Variants in STK31 observed in about 807,000 individuals in gnomAD.
STK31 encodes the protein serine/threonine kinase 31, also known as serine/threonine-protein kinase 31.
STK31 carries 89 observed loss-of-function variants against 129.7 expected under a neutral mutation model. That is an observed-to-expected ratio of 0.69 (90% confidence interval 0.58 to 0.82). The LOEUF (loss-of-function observed/expected upper bound fraction) is 0.82, where lower values mean the gene tolerates loss of function less well. Among genes scored for constraint, STK31 ranks in the 40% least tolerant of loss-of-function variants. The probability of loss-of-function intolerance (pLI) is 0.00; values close to 1 mark genes in which losing one functional copy is unlikely to be tolerated. For missense variants in STK31, 1,187 were observed against 1,176.4 expected (o/e 1.01, Z -0.13); for synonymous variants, 448 against 395.3 (o/e 1.13, Z -1.58).
At chr7:23,730,878 A>ATATATATATATATATATATATTT in intron 6 of STK31, among the ~76,000 whole-genome samples, 46 of 59,526 alleles carry the variant, frequency 7.7e-4, no homozygotes, top group Non-Finnish European at 1.1e-3. Context: ...ATATATATAT[A>ATATATATATATATATATATATTT]TTTTTTTTTT....
chr7:23,772,150 A>C lies in STK31; in HGVS notation c.1837A>C (p.Lys613Gln). The C allele has an allele frequency of 6.4e-7, 1 of 1,561,808 alleles. No individual in the cohort carries two copies. The highest frequency in any genetic ancestry group is 1.2e-5 in the South Asian group (1 of 83,360). The change falls in exon 15 of 24, where the codon AAA (lysine) becomes CAA (glutamine). Residue 613 changes from lysine (K) to glutamine (Q), a missense_variant. By Grantham distance (53) the Lys-to-Gln change is moderately conservative (BLOSUM62 1). This residue lies in a region of STK31 where 975 missense variants were observed against 934.9 expected (regional missense o/e 1.04). Transcript: ENST00000355870. ...QAKYKDSIEF[K>Q]KQLIEYLNKS... is the part of the protein sequence containing the mutation. ...TACGTAACTTTTGTTTACTTAGTTT[A>C]AAAAGCAGCTTATTGAATATTTAAA...
intron 15 of STK31, among the ~76,000 whole-genome samples, chr7:23,775,739 T>C (rs148947970): frequency 0.028 from 4,230 of 152,258 alleles, 161 homozygotes; most frequent in African/African-American, 0.088. Flanking sequence ...GCTGAGACGA[T>C]GGGGTTTTCT....
chr7:23,755,892 A>T (rs951508211), intron 10 of STK31, among the ~76,000 whole-genome samples: 3 of 152,188 alleles, frequency 2.0e-5, no homozygotes, highest in South Asian at 2.1e-4. Flanking sequence ...TGTTTTGGTT[A>T]CTGTAGCCTT....
At chr7:23,796,363 T>TG (rs1562610083) in intron 22 of STK31, among the ~76,000 whole-genome samples, 2 of 151,948 alleles carry the variant, frequency 1.3e-5, no homozygotes, top group East Asian at 1.9e-4. Flanking sequence ...AAGTTTTTTT[T>TG]TTTGTTTCTG....
At chr7:23,827,479 A>T (rs1794243284) in intron 23 of STK31, among the ~76,000 whole-genome samples, 1 of 151,800 alleles carries the variant, frequency 6.6e-6, no homozygotes, top group South Asian at 2.1e-4. Flanking sequence ...TGCATTGGTT[A>T]TTCTAGTTAT....
chr7:23,786,643 T>A lies in STK31; in HGVS notation c.2400+10T>A. 1 of 1,608,976 alleles carries A rather than the reference T, an allele frequency of 6.2e-7. No individual in the cohort carries two copies. The highest frequency in any genetic ancestry group is 8.5e-7 in the Non-Finnish European group (1 of 1,178,702). On this transcript the variant is annotated intron_variant, in intron 19 of 23. Coordinates refer to ENST00000355870, the MANE Select transcript of STK31 (RefSeq NM_031414.5). The stretch of plus-strand genomic sequence containing the variant: ...CCTGTTTTTATGTAAGGTAAAGTTC[T>A]TATGCTAATCTCTTGCAGAAACCAT...
intron 8 of STK31, among the ~76,000 whole-genome samples, chr7:23,744,629 G>C (rs1788241981): frequency 1.3e-5 from 2 of 152,302 alleles, no homozygotes; most frequent in South Asian, 4.1e-4. Flanking sequence ...ATGTACCCAT[G>C]GTGTTGGTTG....
At chr7:23,822,657 G>T (rs1793854463) in intron 23 of STK31, among the ~76,000 whole-genome samples, 2 of 152,046 alleles carry the variant, frequency 1.3e-5, no homozygotes, top group East Asian at 1.9e-4. Context: ...CAACGTGCAG[G>T]TTTGTTACAT....
intron 22 of STK31, among the ~76,000 whole-genome samples, chr7:23,810,732 AT>A (rs1451237606): frequency 1.1e-4 from 1 of 9,218 alleles, no homozygotes; most frequent in African/African-American, 1.7e-3. Flanking sequence ...TATAAAATAG[AT>A]ATATATAAAA....
chr7:23,810,816 A>G (rs1793075677), intron 22 of STK31, among the ~76,000 whole-genome samples: 1 of 140,790 alleles, frequency 7.1e-6, no homozygotes, highest in Admixed American at 7.5e-5. Flanking sequence ...ATATTTGTAT[A>G]TAAATATGTA....
intron 23 of STK31, among the ~76,000 whole-genome samples, chr7:23,823,846 A>T (rs1793940320): frequency 6.6e-6 from 1 of 152,220 alleles, no homozygotes; most frequent in Non-Finnish European, 1.5e-5. Flanking sequence ...ACCATTTATT[A>T]AATAGGGAAT....
rs760607541 is a variant in STK31, at chr7:23,727,221, G to A, written c.250-20G>A. On this transcript the variant is annotated intron_variant, in intron 4 of 23. Transcript: ENST00000355870. The stretch of plus-strand genomic sequence containing the variant: ...CATGCTTTAAATGCCAAGTAATTTT[G>A]CTTTCTTTTCTCTTTGTAGATTTAT... The A allele has an allele frequency of 1.2e-6, 2 of 1,607,962 alleles. No homozygotes were observed. The highest frequency in any genetic ancestry group is 2.7e-5 in the African/African-American group (2 of 74,818).
intron 18 of STK31, 21 bp downstream of exon 18, chr7:23,785,624 C>T: frequency 1.2e-6 from 2 of 1,603,128 alleles, no homozygotes; most frequent in Non-Finnish European, 1.7e-6. Flanking sequence ...CTTCTTCTTA[C>T]TTGTGGGAGA....
chr7:23,791,409 G>A, intron 22 of STK31: 3 of 580,118 alleles, frequency 5.2e-6, no homozygotes, highest in Non-Finnish European at 6.5e-6. Context: ...ACTTATAAGT[G>A]GGAGCTAAAC....
At chr7:23,736,461 C>T (rs535663562) in intron 7 of STK31, among the ~76,000 whole-genome samples, 99 of 149,074 alleles carry the variant, frequency 6.6e-4, no homozygotes, top group African/African-American at 2.3e-3. Context: ...AGCCATGATG[C>T]TGTATCTTGG....
At chr7:23,730,398 G>C (rs9690707) in intron 6 of STK31, among the ~76,000 whole-genome samples, 55,359 of 151,826 alleles carry the variant, frequency 0.36, 10,375 homozygotes, top group South Asian at 0.47. Flanking sequence ...TGAAACTCAG[G>C]CTTTCATAAA....
At chr7:23,817,274 G>A (rs1793529941) in intron 23 of STK31, among the ~76,000 whole-genome samples, 1 of 152,178 alleles carries the variant, frequency 6.6e-6, no homozygotes, top group South Asian at 2.1e-4. Flanking sequence ...TATGTATAAT[G>A]AAAGTAAATG....
At chr7:23,746,942 A>G (rs1488854851) in intron 8 of STK31, among the ~76,000 whole-genome samples, 1 of 152,140 alleles carries the variant, frequency 6.6e-6, no homozygotes, top group African/African-American at 2.4e-5. Context: ...TAAGTTATAC[A>G]AGGTGTACCA....
At position 23,754,497 on chromosome 7, in the gene STK31, T is replaced by G. The variant is rs755935324; in HGVS notation, c.1293+23T>G. On this transcript the variant is annotated intron_variant, in intron 10 of 23. Transcript: ENST00000355870. ...GTGGTGAGTTGGGAATTTTTCTCTA[T>G]TGTGGTTTTTATCTGTTGAACATAA... 2.5e-6 allele frequency: 4 copies of G among 1,597,884 alleles called. No individual in the cohort carries two copies. The Admixed American group carries it at 5.4e-5, about 22-fold the overall frequency.
Sources: gnomAD v4.1 joint callset for allele counts (sites outside exome capture counted in the v4.1 genomes callset) on GRCh38, gnomAD v4.1.1 for gene constraint, gnomAD v4.1.1 regional missense constraint, MANE v1.5 for transcripts, NCBI Gene and HGNC (gene_info 2026-07-23, HGNC 2026-07-21) for gene names.